PUDP: variants seen among roughly 807,000 people sequenced by gnomAD.
PUDP encodes pseudouridine 5'-phosphatase.
A neutral mutation model predicts 9.4 loss-of-function variants in PUDP; 8 were observed. The observed-to-expected ratio is 0.85, with a 90% CI of 0.50 to 1.53. The LOEUF is 1.53. Ranked by LOEUF, PUDP falls within the 40% of genes most tolerant of loss-of-function variation. The probability of loss-of-function intolerance (pLI) is 0.00; values close to 1 mark genes in which losing one functional copy is unlikely to be tolerated. For synonymous variants in PUDP, 99 were observed against 80.7 expected, an observed-to-expected ratio of 1.23 and a Z score of -1.22; for missense variants, 188 against 189.7, an observed-to-expected ratio of 0.99 and a Z score of 0.05.
Position 6,785,218 on chromosome X carries a change from T to C in PUDP, c.*248-78752A>G, listed in dbSNP as rs186074724. ...ATTCCCTAAAATGTGTTGTGGCTTA[T>C]AGTCACCACCAGCTAGTTTTGGAAG... On this transcript the variant is annotated intron_variant and NMD_transcript_variant, in intron 3 of 3. Coordinates refer to the PUDP transcript ENST00000655425. Among the ~76,000 whole-genome samples the C allele has an allele frequency of 3.5e-5, 4 of 112,740 alleles. No individual in the cohort carries two copies. In the East Asian group the frequency reaches 1.1e-3, roughly 31 times the overall value.
chrX:7,136,987 C>T (rs1484052338), intron 1 of PUDP, among the ~76,000 whole-genome samples: 8 of 111,960 alleles, frequency 7.1e-5, no homozygotes, highest in Non-Finnish European at 1.3e-4. Context: ...GCAGACAAAG[C>T]GTAGGCAACT....
intron 1 of PUDP, among the ~76,000 whole-genome samples, chrX:7,020,979 T>C (rs191373960): frequency 8.9e-6 from 1 of 112,681 alleles, no homozygotes; most frequent in East Asian, 2.8e-4. Context: ...CTGTTGGGTT[T>C]TGAGAATGGC....
intron 1 of PUDP, among the ~76,000 whole-genome samples, chrX:6,991,267 A>AT (rs908346049): frequency 5.4e-5 from 6 of 110,276 alleles, no homozygotes; most frequent in South Asian, 3.9e-4. Context: ...CTCTTTTAAG[A>AT]TTTTTTTTTC....
chrX:6,815,405 C>A (rs1302571672), intron 3 of PUDP, among the ~76,000 whole-genome samples: 1 of 112,172 alleles, frequency 8.9e-6, no homozygotes, highest in Non-Finnish European at 1.9e-5. Flanking sequence ...CCGTTATAGT[C>A]ATTCAAACTG....
At chrX:6,933,568 A>C (rs1034986463) in intron 3 of PUDP, among the ~76,000 whole-genome samples, 1 of 111,694 alleles carries the variant, frequency 9.0e-6, no homozygotes, top group African/African-American at 3.3e-5. Flanking sequence ...AACTCTAAAA[A>C]GCAGAGCGCC....
intron 1 of PUDP, among the ~76,000 whole-genome samples, chrX:7,110,764 G>T (rs1279421619): frequency 1.8e-5 from 1 of 56,533 alleles, no homozygotes; most frequent in Non-Finnish European, 3.7e-5. Context: ...GGGCAGGGGT[G>T]GGGGTCACAA....
At chrX:7,051,592 G>A (rs1930102497) in intron 3 of PUDP, among the ~76,000 whole-genome samples, 1 of 111,643 alleles carries the variant, frequency 9.0e-6, no homozygotes, top group Admixed American at 9.5e-5. Context: ...CATAAAATGG[G>A]GTGTTTGTAC....
At chrX:7,137,055 C>T (rs1244534381) in intron 1 of PUDP, among the ~76,000 whole-genome samples, 1 of 111,323 alleles carries the variant, frequency 9.0e-6, no homozygotes, top group African/African-American at 3.3e-5. Context: ...GCCTGACCAA[C>T]ATGGTGAAAC....
intron 3 of PUDP, among the ~76,000 whole-genome samples, chrX:6,728,061 C>A (rs5948741): frequency 9.1e-6 from 1 of 110,387 alleles, no homozygotes; most frequent in Non-Finnish European, 1.9e-5. Flanking sequence ...ACAGTTCCAC[C>A]TGGCTGGGGA....
chrX:6,857,762 G>T (rs951432634), intron 3 of PUDP, among the ~76,000 whole-genome samples: 7 of 111,708 alleles, frequency 6.3e-5, no homozygotes, highest in Admixed American at 4.8e-4. Flanking sequence ...AAAATGAGAT[G>T]TAAATATGTC....
chrX:7,050,783 A>G (rs915240942), intron 3 of PUDP, among the ~76,000 whole-genome samples: 1 of 112,600 alleles, frequency 8.9e-6, no homozygotes, highest in Non-Finnish European at 1.9e-5. Flanking sequence ...TGGGATCATA[A>G]CAATCTGTTC....
intron 3 of PUDP, among the ~76,000 whole-genome samples, chrX:6,804,800 G>C (rs999747116): frequency 1.2e-4 from 13 of 111,943 alleles, no homozygotes; most frequent in Non-Finnish European, 2.1e-4. Flanking sequence ...TGAGTAGACA[G>C]AGCCAAACTG....
At chrX:6,793,429 G>A (rs1236306452) in intron 3 of PUDP, among the ~76,000 whole-genome samples, 1 of 111,542 alleles carries the variant, frequency 9.0e-6, no homozygotes, top group African/African-American at 3.3e-5. Flanking sequence ...CACTAATTGG[G>A]AATTAACTGA....
At chrX:6,830,362 G>GA (rs1164976670) in intron 3 of PUDP, among the ~76,000 whole-genome samples, 1 of 110,705 alleles carries the variant, frequency 9.0e-6, no homozygotes, top group Admixed American at 9.6e-5. Context: ...ATTCAGGCAG[G>GA]AAAAAAAAGT....
chrX:7,139,484 C>A (rs1159796973), intron 1 of PUDP, among the ~76,000 whole-genome samples: 1 of 111,715 alleles, frequency 9.0e-6, no homozygotes, highest in Non-Finnish European at 1.9e-5. Flanking sequence ...CAGTGCTGGG[C>A]TAGAGAGCAG....
chrX:6,825,415 T>C (rs1926409438), intron 3 of PUDP, among the ~76,000 whole-genome samples: 1 of 111,329 alleles, frequency 9.0e-6, no homozygotes, highest in Non-Finnish European at 1.9e-5. Context: ...AGCTCTCTGC[T>C]CCGGGCCCTT....
chrX:6,855,963 CT>C (rs1205504197), intron 3 of PUDP, among the ~76,000 whole-genome samples: 1 of 111,374 alleles, frequency 9.0e-6, no homozygotes, highest in Non-Finnish European at 1.9e-5. Context: ...AAAAATATAT[CT>C]AGGAGCAAAT....
intron 3 of PUDP, among the ~76,000 whole-genome samples, chrX:7,065,238 G>C (rs1268104233): frequency 9.0e-6 from 1 of 111,696 alleles, no homozygotes; most frequent in African/African-American, 3.3e-5. Flanking sequence ...ACAGCTCTAG[G>C]GGTAAAGGGT....
chrX:7,130,568 C>A (rs1932593038), intron 1 of PUDP, among the ~76,000 whole-genome samples: 1 of 111,512 alleles, frequency 9.0e-6, no homozygotes, highest in African/African-American at 3.3e-5. Flanking sequence ...AATCCCAGCA[C>A]TTTAGGAGGC....
Sources: allele counts gnomAD v4.1 joint callset (sites outside exome capture counted in the v4.1 genomes callset), GRCh38; gene constraint gnomAD v4.1.1; transcripts MANE v1.5; gene names NCBI Gene and HGNC (gene_info 2026-07-23, HGNC 2026-07-21).